Variants in NCKAP5 observed in about 807,000 individuals in gnomAD.
The protein encoded by NCKAP5 is nck-associated protein 5.
Under a neutral mutation model 167.0 loss-of-function variants are expected in NCKAP5, and 92 were observed. That is an observed-to-expected ratio of 0.55 (90% CI 0.47 to 0.66). The LOEUF (loss-of-function observed/expected upper bound fraction) is 0.66. Among genes scored for constraint, NCKAP5 ranks in the 30% least tolerant of loss-of-function variants. NCKAP5 has a pLI of 0.00. For synonymous variants in NCKAP5, 891 were observed against 877.4 expected (o/e 1.02, Z -0.27); for missense variants, 2,378 against 2,315.0 (o/e 1.03, Z -0.56).
At chr2:133,194,976 T>C (rs988736376) in intron 5 of NCKAP5, among the ~76,000 whole-genome samples, 6 of 152,022 alleles carry the variant, frequency 3.9e-5, no homozygotes, top group Non-Finnish European at 7.3e-5. Context: ...GAACTTCTAA[T>C]GTAATTACAT....
chr2:132,720,773 C>T (rs373230797), intron 19 of NCKAP5, among the ~76,000 whole-genome samples: 3 of 152,140 alleles, frequency 2.0e-5, no homozygotes, highest in African/African-American at 7.2e-5. Context: ...CTTTGGGAGG[C>T]CAAGGCAGGA....
At chr2:133,207,006 T>G (rs2085979829) in intron 5 of NCKAP5, among the ~76,000 whole-genome samples, 2 of 152,138 alleles carry the variant, frequency 1.3e-5, no homozygotes, top group African/African-American at 4.8e-5. Context: ...CCTGTTAAGA[T>G]GTTTATCAAG....
At chr2:133,449,092 T>A (rs1691391255) in intron 3 of NCKAP5, among the ~76,000 whole-genome samples, 1 of 152,214 alleles carries the variant, frequency 6.6e-6, no homozygotes, top group African/African-American at 2.4e-5. Flanking sequence ...ATGGCACTTA[T>A]CATATTGTAT....
At chr2:133,234,710 T>C (rs17738653) in intron 4 of NCKAP5, among the ~76,000 whole-genome samples, 1 of 151,996 alleles carries the variant, frequency 6.6e-6, no homozygotes, top group African/African-American at 2.4e-5. Context: ...TTGAAAGAAA[T>C]GTAGTTCATC....
At chr2:133,492,213 G>A (rs922482073) in intron 3 of NCKAP5, among the ~76,000 whole-genome samples, 3 of 143,936 alleles carry the variant, frequency 2.1e-5, no homozygotes, top group African/African-American at 5.2e-5. Context: ...GTGAAAATAC[G>A]GGCTTTGGAG....
intron 8 of NCKAP5, among the ~76,000 whole-genome samples, chr2:132,887,534 G>A (rs6731379): frequency 0.51 from 77,350 of 152,014 alleles, 20,694 homozygotes; most frequent in East Asian, 0.69. Flanking sequence ...GACCTTATAT[G>A]TCTGCTTCTC....
chr2:133,184,524 T>C (rs2084864500), intron 5 of NCKAP5, among the ~76,000 whole-genome samples: 1 of 152,168 alleles, frequency 6.6e-6, no homozygotes, highest in South Asian at 2.1e-4. Flanking sequence ...TGTTTTATGT[T>C]CTTTGGGAAA....
At chr2:133,097,914 T>C (rs900874416) in intron 6 of NCKAP5, among the ~76,000 whole-genome samples, 3 of 152,168 alleles carry the variant, frequency 2.0e-5, no homozygotes, top group African/African-American at 7.2e-5. Context: ...GTGAGTCCTG[T>C]TACCCAGGAA....
intron 17 of NCKAP5, among the ~76,000 whole-genome samples, chr2:132,730,735 C>T (rs1449541193): frequency 6.6e-6 from 1 of 152,146 alleles, no homozygotes. Context: ...AGATTTCGCC[C>T]CTGAATCTCT....
At chr2:132,739,686 A>T (rs1295621413) in intron 16 of NCKAP5, among the ~76,000 whole-genome samples, 2 of 152,182 alleles carry the variant, frequency 1.3e-5, no homozygotes, top group Non-Finnish European at 2.9e-5. Flanking sequence ...GCATCTGGGT[A>T]CACTTTACTC....
the NCKAP5 span, among the ~76,000 whole-genome samples, chr2:133,609,798 A>C: frequency 6.6e-6 from 1 of 152,210 alleles, no homozygotes; most frequent in Non-Finnish European, 1.5e-5. Context: ...CATCAAAAAT[A>C]TTAGGAACAT....
intron 6 of NCKAP5, among the ~76,000 whole-genome samples, chr2:133,031,371 C>T (rs1329145036): frequency 6.6e-6 from 1 of 152,154 alleles, no homozygotes; most frequent in Non-Finnish European, 1.5e-5. Context: ...CCGGACCAAA[C>T]TCAGCTGCTG....
At chr2:133,422,265 T>G (rs1156673891) in intron 3 of NCKAP5, among the ~76,000 whole-genome samples, 7 of 152,238 alleles carry the variant, frequency 4.6e-5, no homozygotes, top group Non-Finnish European at 1.0e-4. Flanking sequence ...CCAGCACAGG[T>G]TGCTCTATGT....
chr2:133,322,265 T>G (rs1345130956), intron 3 of NCKAP5, among the ~76,000 whole-genome samples: 1 of 152,044 alleles, frequency 6.6e-6, no homozygotes. Context: ...ACCGTTAGCC[T>G]AGGAGAATGA....
At chr2:132,873,481 GTGTT>G (rs200352078) in intron 9 of NCKAP5, among the ~76,000 whole-genome samples, 2,921 of 152,298 alleles carry the variant, frequency 0.019, 41 homozygotes, top group Middle Eastern at 0.037. Flanking sequence ...ATGTGTGCGT[GTGTT>G]TGTGTGTGTG....
At chr2:132,963,255 C>A (rs2076569868) in intron 8 of NCKAP5, among the ~76,000 whole-genome samples, 1 of 152,180 alleles carries the variant, frequency 6.6e-6, no homozygotes, top group African/African-American at 2.4e-5. Flanking sequence ...CTGTTAGATG[C>A]TTTACACATT....
chr2:133,291,389 G>A (rs968660840), intron 4 of NCKAP5, among the ~76,000 whole-genome samples: 1 of 152,188 alleles, frequency 6.6e-6, no homozygotes, highest in African/African-American at 2.4e-5. Flanking sequence ...TTTTGCTGAA[G>A]CATCGCAGAG....
intron 12 of NCKAP5, among the ~76,000 whole-genome samples, chr2:132,793,431 A>T (rs779951322): frequency 6.6e-6 from 1 of 152,220 alleles, no homozygotes; most frequent in African/African-American, 2.4e-5. Context: ...GGCTTTTCAC[A>T]CTTTAACGTG....
chr2:133,243,748 A>C (rs1289920851), intron 4 of NCKAP5, among the ~76,000 whole-genome samples: 1 of 152,226 alleles, frequency 6.6e-6, no homozygotes, highest in East Asian at 1.9e-4. Context: ...ATAATGCCCA[A>C]ACCACAAGTA....
Sources: gnomAD v4.1 joint callset for allele counts (sites outside exome capture counted in the v4.1 genomes callset) on GRCh38, gnomAD v4.1.1 for gene constraint, MANE v1.5 for transcripts, NCBI Gene and HGNC (gene_info 2026-07-23, HGNC 2026-07-21) for gene names.